The following MRPS10 variants were observed in gnomAD, a reference collection of about 807,000 sequenced individuals.
The protein encoded by MRPS10 is mitochondrial ribosomal protein S10, also known as small ribosomal subunit protein uS10m.
In MRPS10, 23 loss-of-function variants were observed where a neutral mutation model predicts 27.5. That is an observed-to-expected ratio of 0.84 (90% CI 0.60 to 1.18). MRPS10 has a LOEUF of 1.18. MRPS10 is among the 50% of genes most tolerant of loss of function. MRPS10 has a pLI of 0.00. For missense variants in MRPS10, 237 were observed against 240.1 expected, an observed-to-expected ratio of 0.99 and a Z score of 0.09; for synonymous variants, 88 against 84.2, an observed-to-expected ratio of 1.04 and a Z score of -0.25.
At position 42,217,719 on chromosome 6, in the gene MRPS10, G is replaced by A. The variant is rs988051338; in HGVS notation, c.48+83C>T. 9 of 1,454,560 alleles carry A rather than the reference G, an allele frequency of 6.2e-6. No homozygotes were observed. In the African/African-American group the frequency reaches 9.8e-5, roughly 16 times the overall value. 90.1% of individuals were successfully genotyped at this position (1,454,560 alleles called of 1,614,324 possible). A position where few individuals can be genotyped will look rare whatever the true frequency, so the allele number is the denominator to read the frequency against. Reference sequence around the variant, plus strand: ...AGGGATAAATATCAGGAAAAATCCTGATGGGCAGAGCGGCTGGTGGCAGGG... The same window carrying A: ...AGGGATAAATATCAGGAAAAATCCTAATGGGCAGAGCGGCTGGTGGCAGGG... On this transcript the variant is annotated intron_variant, in intron 1 of 6. Coordinates refer to ENST00000053468, the MANE Select transcript of MRPS10 (RefSeq NM_018141.4).
chr6:42,208,648 T>C (rs1213140890), intron 6 of MRPS10, among the ~76,000 whole-genome samples: 2 of 152,038 alleles, frequency 1.3e-5, no homozygotes, highest in Non-Finnish European at 2.9e-5. Flanking sequence ...ACTTCATAGG[T>C]GGTTCACGGA....
intron 3 of MRPS10, 79 bp from the exon 4 acceptor site, chr6:42,211,996 G>A: frequency 7.5e-7 from 1 of 1,328,938 alleles, no homozygotes; most frequent in Non-Finnish European, 1.1e-6. Context: ...AGCCTCAATT[G>A]AACAACTTCA....
intron 6 of MRPS10, 107 bp downstream of exon 6, chr6:42,208,751 G>A (rs1768683673): frequency 3.9e-6 from 3 of 776,508 alleles, no homozygotes; most frequent in Admixed American, 2.9e-5. Flanking sequence ...CACAGTTTAG[G>A]GCAAACTCTA....
At chr6:42,210,638 A>G in intron 4 of MRPS10, 42 bp from the exon 5 acceptor site, 1 of 1,567,900 alleles carries the variant, frequency 6.4e-7, no homozygotes, top group Non-Finnish European at 8.7e-7. Flanking sequence ...CACTATGATA[A>G]CAAAGCATAA....
At chr6:42,208,821 A>G in intron 6 of MRPS10, 37 bp downstream of exon 6, 2 of 1,357,898 alleles carry the variant, frequency 1.5e-6, no homozygotes, top group Non-Finnish European at 1.0e-6. Flanking sequence ...ACCACTCCCC[A>G]CCGCCCCACC....
rs773553706 is a variant in MRPS10 at position 42,208,386 on chromosome 6, G to C, written c.523-14C>G. 1.3e-5 allele frequency: 20 copies of C among 1,542,334 alleles called. No homozygotes were observed. Among genetic ancestry groups the C allele is most frequent in the Non-Finnish European group, 1.4e-5 (16 of 1,126,028 alleles). On this transcript the variant is annotated splice_polypyrimidine_tract_variant and intron_variant, in intron 6 of 6. Transcript: ENST00000053468. ...TTCTAATTGTGTCTAAAAAAAGAAA[G>C]AAACAAAACTATAATGTGGATTTAA...
intron 5 of MRPS10, 85 bp downstream of exon 5, chr6:42,210,400 GTCA>G: frequency 1.9e-6 from 1 of 524,008 alleles, no homozygotes; most frequent in Non-Finnish European, 3.2e-6. Flanking sequence ...GCTGAAAGAA[GTCA>G]ATCTAGTCAA....
chr6:42,216,119 G>A (rs139922578), intron 1 of MRPS10, among the ~76,000 whole-genome samples: 3 of 149,788 alleles, frequency 2.0e-5, no homozygotes, highest in African/African-American at 4.9e-5. Context: ...CGCCTCCTGG[G>A]TTCAAGCAAG....
chr6:42,209,037 TTG>T, intron 5 of MRPS10, 90 bp from the exon 6 acceptor site: 2 of 805,948 alleles, frequency 2.5e-6, no homozygotes, highest in Non-Finnish European at 4.0e-6. Context: ...TCTCACTCTG[TTG>T]CCTGGGCTGG....
chr6:42,217,373 C>T (rs1306381308), intron 1 of MRPS10, among the ~76,000 whole-genome samples: 1 of 152,148 alleles, frequency 6.6e-6, no homozygotes, highest in Non-Finnish European at 1.5e-5. Context: ...ACTTCTCTGG[C>T]TTGAGACCTT....
In MRPS10 at chr6:42,213,302, A is replaced by G. The variant is rs146003835; in HGVS notation, c.186+818T>C. On this transcript the variant is annotated intron_variant, in intron 3 of 6. Coordinates refer to ENST00000053468, the MANE Select transcript of MRPS10 (RefSeq NM_018141.4). ...CATTTCTACTAAGAATACAAAAATT[A>G]GCCAGGCATGGTGGTGTGTGCCTGT... 2.2e-3 allele frequency among the ~76,000 whole-genome samples: 332 copies of G among 152,184 alleles called. 5 individuals carry two copies. The highest frequency in any genetic ancestry group is 0.019 in the Admixed American group (286 of 15,292).
At chr6:42,208,425 C>T (rs1311049894) in intron 6 of MRPS10, 53 bp from the exon 7 acceptor site, 17 of 1,314,914 alleles carry the variant, frequency 1.3e-5, no homozygotes, top group Admixed American at 6.1e-5. Context: ...AACTCTTTGA[C>T]TACAAATCGG....
chr6:42,210,607 T>C lies in MRPS10; in HGVS notation c.324-11A>G, dbSNP rs749359599. On this transcript the variant is annotated splice_polypyrimidine_tract_variant and intron_variant, in intron 4 of 6. Transcript: ENST00000053468. ...CTTGGAGGTTCATGTCTGAAATTAA[T>C]GGACAAAACAAAACCTGAGTCACTA... The C allele has an allele frequency of 5.3e-6, 8 of 1,521,216 alleles. No individual in the cohort carries two copies. The highest frequency in any genetic ancestry group is 1.7e-4 in the Middle Eastern group (1 of 5,880). 94.2% of individuals were successfully genotyped at this position (1,521,216 alleles called of 1,614,324 possible).
chr6:42,215,569 G>A (rs971334592), intron 1 of MRPS10, among the ~76,000 whole-genome samples: 1 of 151,978 alleles, frequency 6.6e-6, no homozygotes, highest in Non-Finnish European at 1.5e-5. Context: ...TGGGACTACA[G>A]GCACGGGCCA....
In MRPS10 at chr6:42,208,895, C is replaced by T. The variant is rs369449768; in HGVS notation, c.485G>A (p.Arg162Gln). The T allele has an allele frequency of 8.1e-5, 131 of 1,611,776 alleles. No homozygotes were observed. The highest frequency in any genetic ancestry group is 9.9e-5 in the Non-Finnish European group (117 of 1,178,612). ...TADVYLEYIQ[R>Q]NLPEGVAMEV... ...CATGGCAACCCCTTCAGGTAAGTTT[C>T]GCTGAATATATTCCAAGTAGACATC... The change falls in exon 6 of 7, where the codon CGA becomes CAA. Residue 162 changes from arginine to glutamine, a missense_variant. Physicochemically the swap from Arg to Gln is conservative, Grantham distance 43. Around this residue, in one of 3 missense-constraint regions of MRPS10, gnomAD observed 62 missense variants for 68.2 expected, o/e 0.91. Coordinates refer to ENST00000053468, the MANE Select transcript of MRPS10 (RefSeq NM_018141.4).
chr6:42,209,610 C>T (rs745617430), intron 5 of MRPS10, among the ~76,000 whole-genome samples: 8 of 151,612 alleles, frequency 5.3e-5, no homozygotes, highest in Non-Finnish European at 8.8e-5. Context: ...TAGCCAGGCG[C>T]GGTGGCGTAC....
chr6:42,217,356 C>T (rs1294541228), intron 1 of MRPS10, among the ~76,000 whole-genome samples: 1 of 152,208 alleles, frequency 6.6e-6, no homozygotes, highest in Middle Eastern at 3.2e-3. Flanking sequence ...CAGAGGATAT[C>T]TAACCCACTT....
At chr6:42,209,850 T>G (rs1768727069) in intron 5 of MRPS10, among the ~76,000 whole-genome samples, 1 of 150,084 alleles carries the variant, frequency 6.7e-6, no homozygotes, top group Admixed American at 6.6e-5. Context: ...AAAAGATACA[T>G]AAGTGCTTGT....
At chr6:42,212,380 T>C (rs1339770788) in intron 3 of MRPS10, among the ~76,000 whole-genome samples, 1 of 152,200 alleles carries the variant, frequency 6.6e-6, no homozygotes, top group Non-Finnish European at 1.5e-5. Context: ...CTCATAGTAT[T>C]TCTCTAAGAA....
Sources: allele counts gnomAD v4.1 joint callset (sites outside exome capture counted in the v4.1 genomes callset), GRCh38; gene constraint gnomAD v4.1.1; regional missense constraint gnomAD v4.1.1; transcripts MANE v1.5; gene names NCBI Gene and HGNC (gene_info 2026-07-23, HGNC 2026-07-21).